The following RGS6 variants were observed in gnomAD, a reference collection of about 807,000 sequenced individuals.
RGS6 encodes the protein regulator of G-protein signaling 6.
A neutral mutation model predicts 78.5 loss-of-function variants in RGS6; 30 were observed. The ratio of observed to expected loss-of-function variants is 0.38; its 90% CI spans 0.29 to 0.52. The LOEUF (loss-of-function observed/expected upper bound fraction) is 0.52. RGS6 is among the 20% of genes least tolerant of loss of function. The pLI is 0.85. For missense variants in RGS6, 495 were observed against 609.7 expected, an observed-to-expected ratio of 0.81 and a Z score of 1.98; for synonymous variants, 206 against 206.0, an observed-to-expected ratio of 1.00 and a Z score of 0.00.
At chr14:72,547,394 G>C in intron 17 of RGS6, 2 of 1,463,312 alleles carry the variant, frequency 1.4e-6, no homozygotes, top group Non-Finnish European at 1.8e-6. Context: ...ACCCATGGAA[G>C]TCCCCCCAAA....
intron 2 of RGS6, among the ~76,000 whole-genome samples, chr14:72,314,144 C>T (rs1487846623): frequency 6.6e-6 from 1 of 152,168 alleles, no homozygotes; most frequent in Non-Finnish European, 1.5e-5. Flanking sequence ...AATGTTTTGT[C>T]TCCAAGTAGC....
intron 2 of RGS6, among the ~76,000 whole-genome samples, chr14:72,163,791 G>A (rs537240319): frequency 1.3e-5 from 2 of 151,496 alleles, no homozygotes; most frequent in South Asian, 4.2e-4. Context: ...GCTGAGGTAG[G>A]AGAATCACTT....
chr14:72,495,579 T>C (rs188883468), intron 13 of RGS6, among the ~76,000 whole-genome samples: 7 of 152,152 alleles, frequency 4.6e-5, no homozygotes, highest in Non-Finnish European at 7.4e-5. Context: ...ACAGCAACAA[T>C]AATGATAATA....
At chr14:72,198,372 C>T (rs565413192) in intron 2 of RGS6, among the ~76,000 whole-genome samples, 1 of 152,324 alleles carries the variant, frequency 6.6e-6, no homozygotes, top group Admixed American at 6.5e-5. Context: ...ATTAACAAAT[C>T]TCCAACATCT....
Position 72,379,211 on chromosome 14 carries a change from C to T in RGS6, c.184+27017C>T, listed in dbSNP as rs568709925. ...CATAATAAAGGCCACATATGATAAACCCACAGCTAACATGGTACTGAATGG... is the reference window on the plus strand; with the variant it reads ...CATAATAAAGGCCACATATGATAAATCCACAGCTAACATGGTACTGAATGG... On this transcript the variant is annotated intron_variant, in intron 3 of 17. Coordinates refer to ENST00000553525, the MANE Select transcript of RGS6 (RefSeq NM_001204424.2). Among the ~76,000 whole-genome samples the T allele has an allele frequency of 2.0e-5, 3 of 152,154 alleles. No homozygotes were observed. In the South Asian group the frequency reaches 6.2e-4, roughly 32 times the overall value.
chr14:72,304,480 T>C (rs2066795542), intron 2 of RGS6, among the ~76,000 whole-genome samples: 1 of 152,244 alleles, frequency 6.6e-6, no homozygotes, highest in Admixed American at 6.5e-5. Context: ...AGCAATGCTC[T>C]AGTGAATTTT....
chr14:72,052,963 TTCTTTCTTTCTTTCTTTCTTTC>T (rs1489465245), intron 2 of RGS6, among the ~76,000 whole-genome samples: 15 of 43,694 alleles, frequency 3.4e-4, no homozygotes, highest in African/African-American at 5.1e-4. Flanking sequence ...CTTTCTTTCT[TTCTTTCTTTCTTTCTTTCTTTC>T]TCTCTCTCTC....
intron 3 of RGS6, among the ~76,000 whole-genome samples, chr14:72,392,187 A>AATATAT (rs59588686): frequency 0.032 from 4,786 of 149,330 alleles, 343 homozygotes; most frequent in East Asian, 0.32. Flanking sequence ...TACATACACA[A>AATATAT]ATATATATAT....
the RGS6 span, among the ~76,000 whole-genome samples, chr14:72,596,622 G>T: frequency 6.6e-6 from 1 of 152,314 alleles, no homozygotes; most frequent in East Asian, 1.9e-4. Context: ...CCCAGAGGAA[G>T]AATTGACTGC....
chr14:72,076,951 T>TA (rs1567157512), intron 2 of RGS6, among the ~76,000 whole-genome samples: 120 of 136,870 alleles, frequency 8.8e-4, no homozygotes, highest in African/African-American at 3.2e-3. Context: ...ACAGCCAAAT[T>TA]TTATATATAT....
intron 2 of RGS6, among the ~76,000 whole-genome samples, chr14:72,190,016 C>A (rs1367868531): frequency 1.3e-5 from 2 of 152,200 alleles, no homozygotes; most frequent in African/African-American, 2.4e-5. Context: ...CCCTCAGTTT[C>A]TTCACCAAAC....
At chr14:72,134,359 CCATT>C (rs2096392995) in intron 2 of RGS6, among the ~76,000 whole-genome samples, 1 of 152,156 alleles carries the variant, frequency 6.6e-6, no homozygotes, top group Admixed American at 6.5e-5. Flanking sequence ...ATGATGTTGA[CCATT>C]CTTTCTTCTA....
At chr14:72,260,936 G>A (rs545450697) in intron 2 of RGS6, among the ~76,000 whole-genome samples, 29 of 152,298 alleles carry the variant, frequency 1.9e-4, no homozygotes, top group Admixed American at 3.9e-4. Flanking sequence ...CATCAGGAAA[G>A]GTAGAGAGTT....
intron 2 of RGS6, among the ~76,000 whole-genome samples, chr14:72,173,095 C>T (rs1022973939): frequency 4.6e-5 from 7 of 152,238 alleles, no homozygotes; most frequent in African/African-American, 7.2e-5. Context: ...ATTTGTAGGG[C>T]CACAGCCTCT....
chr14:71,883,050 G>A, the RGS6 span, among the ~76,000 whole-genome samples: 5 of 152,170 alleles, frequency 3.3e-5, no homozygotes, highest in African/African-American at 1.2e-4. Flanking sequence ...TCCTTTTTCA[G>A]GGGCATTTAC....
chr14:72,182,810 TTGAA>T (rs1284608544), intron 2 of RGS6, among the ~76,000 whole-genome samples: 1 of 152,226 alleles, frequency 6.6e-6, no homozygotes, highest in African/African-American at 2.4e-5. Flanking sequence ...GGTTAAAGGT[TTGAA>T]TGGGCACGAT....
At chr14:72,072,548 A>T (rs955847103) in intron 2 of RGS6, among the ~76,000 whole-genome samples, 1 of 151,786 alleles carries the variant, frequency 6.6e-6, no homozygotes, top group African/African-American at 2.4e-5. Flanking sequence ...ACCTCAGGTG[A>T]TCCACCTGCC....
intron 11 of RGS6, among the ~76,000 whole-genome samples, chr14:72,477,819 A>G (rs1054932262): frequency 8.8e-6 from 1 of 113,218 alleles, no homozygotes; most frequent in African/African-American, 3.1e-5. Flanking sequence ...GAAAAAAAGA[A>G]AAAAAAACCA....
chr14:72,350,899 C>A (rs1216304751), intron 2 of RGS6, among the ~76,000 whole-genome samples: 1 of 152,084 alleles, frequency 6.6e-6, no homozygotes, highest in Non-Finnish European at 1.5e-5. Flanking sequence ...TAGTACCTAG[C>A]ACATAATAAA....
Sources: gnomAD v4.1 joint callset for allele counts (sites outside exome capture counted in the v4.1 genomes callset) on GRCh38, gnomAD v4.1.1 for gene constraint, MANE v1.5 for transcripts, NCBI Gene and HGNC (gene_info 2026-07-23, HGNC 2026-07-21) for gene names.